RFTN2: variants seen among roughly 807,000 people sequenced by gnomAD.
RFTN2 encodes raftlin-2.
Under a neutral mutation model 52.7 loss-of-function variants are expected in RFTN2, and 34 were observed. That is an observed-to-expected ratio of 0.64 (90% CI 0.49 to 0.86). The LOEUF is 0.86. Ranked by LOEUF, RFTN2 falls within the 40% of genes least tolerant of loss-of-function variation. The pLI is 0.00. For synonymous variants in RFTN2, 203 were observed against 217.7 expected, an observed-to-expected ratio of 0.93 and a Z score of 0.59; for missense variants, 536 against 600.1, an observed-to-expected ratio of 0.89 and a Z score of 1.12.
chr2:197,572,211 T>C lies in RFTN2; in HGVS notation c.1303A>G (p.Thr435Ala). The C allele has an allele frequency of 1.2e-6, 2 of 1,614,270 alleles. No homozygotes were observed. The highest frequency in any genetic ancestry group is 8.5e-7 in the Non-Finnish European group (1 of 1,180,038). Residue 435 changes from threonine to alanine, a missense_variant, in exon 9 of 9, where the codon ACA (threonine) becomes GCA (alanine). Coordinates refer to ENST00000295049, the MANE Select transcript of RFTN2 (RefSeq NM_144629.3). ...KATSRSIGLD[T>A]TSSQPAESRH... is the part of the protein sequence containing the mutation. ...CTCTCTGCAGGTTGTGACGAGGTTG[T>C]GTCTAATCCGATGCTTCTACTAGTG...
chr2:197,675,401 A>G lies in RFTN2; in HGVS notation c.58T>C (p.Phe20Leu), dbSNP rs2089202396. Residue 20 changes from phenylalanine (F) to leucine (L), a missense_variant, in exon 1 of 9, where the codon TTT becomes CTT. By Grantham distance (22) the Phe-to-Leu change is conservative. Coordinates refer to ENST00000295049, the MANE Select transcript of RFTN2 (RefSeq NM_144629.3). ...ACTTGCGGTCTCTTCAGGGTAGAAA[A>G]TATTTTTCCAGGGCTGCTATCATCA... ...DPDDSSPGKI[F>L]STLKRPQVET... is the part of the protein sequence containing the mutation. The G allele has an allele frequency of 6.2e-7, 1 of 1,605,368 alleles. No homozygotes were observed. The highest frequency in any genetic ancestry group is 8.5e-7 in the Non-Finnish European group (1 of 1,175,898).
chr2:197,641,466 A>T (rs2106246799), intron 3 of RFTN2, among the ~76,000 whole-genome samples: 1 of 152,362 alleles, frequency 6.6e-6, no homozygotes, highest in South Asian at 2.1e-4. Context: ...GGGTGCATTT[A>T]CCGTCAGTGC....
chr2:197,585,359 G>C (rs2087579880), intron 8 of RFTN2, among the ~76,000 whole-genome samples: 1 of 152,100 alleles, frequency 6.6e-6, no homozygotes, highest in African/African-American at 2.4e-5. Flanking sequence ...CCCTGCCCTT[G>C]TTTACACTGG....
intron 7 of RFTN2, among the ~76,000 whole-genome samples, chr2:197,601,198 T>G (rs2087874786): frequency 6.6e-6 from 1 of 152,226 alleles, no homozygotes; most frequent in African/African-American, 2.4e-5. Flanking sequence ...AATGTTTCCT[T>G]TTCTCTTCCC....
At chr2:197,643,724 A>G (rs2088707465) in intron 3 of RFTN2, among the ~76,000 whole-genome samples, 1 of 152,124 alleles carries the variant, frequency 6.6e-6, no homozygotes. Context: ...CAGTTAAGTT[A>G]TATTTATATA....
At chr2:197,619,504 C>T (rs1194442602) in intron 5 of RFTN2, among the ~76,000 whole-genome samples, 6 of 150,672 alleles carry the variant, frequency 4.0e-5, no homozygotes, top group South Asian at 2.1e-4. Flanking sequence ...GGATTAAGGG[C>T]GGTGCAAGAT....
At chr2:197,648,835 C>G (rs1402250210) in intron 1 of RFTN2, among the ~76,000 whole-genome samples, 1 of 152,224 alleles carries the variant, frequency 6.6e-6, no homozygotes, top group Non-Finnish European at 1.5e-5. Context: ...TCATTTCCTT[C>G]CCTGTTCTCC....
chr2:197,611,471 T>C lies in RFTN2; in HGVS notation c.1154+4405A>G, dbSNP rs186773788. On this transcript the variant is annotated intron_variant, in intron 7 of 8. Coordinates refer to ENST00000295049, the MANE Select transcript of RFTN2 (RefSeq NM_144629.3). ...ATCGGTAGTGATATCCCCTTTATCA[T>C]TTTTATTGCGTCTATTTGATTCTTC... 2.6e-5 allele frequency among the ~76,000 whole-genome samples: 4 copies of C among 152,184 alleles called. No individual in the cohort carries two copies. The East Asian group carries it at 7.7e-4, about 29-fold the overall frequency.
chr2:197,662,893 T>C (rs561507936), intron 1 of RFTN2, among the ~76,000 whole-genome samples: 1 of 152,314 alleles, frequency 6.6e-6, no homozygotes, highest in South Asian at 2.1e-4. Flanking sequence ...CCCAAACTGC[T>C]GGGATTACAG....
chr2:197,578,525 G>A (rs535905764), intron 8 of RFTN2, among the ~76,000 whole-genome samples: 2 of 152,006 alleles, frequency 1.3e-5, no homozygotes, highest in Non-Finnish European at 2.9e-5. Flanking sequence ...ACATTACCTT[G>A]TGAAATTCCT....
chr2:197,619,541 GC>G (rs1559352166), intron 5 of RFTN2, among the ~76,000 whole-genome samples: 1 of 148,464 alleles, frequency 6.7e-6, no homozygotes, highest in African/African-American at 2.5e-5. Context: ...ATGCTTGAAG[GC>G]AGCATGCTCC....
At chr2:197,590,837 C>T (rs1188341153) in intron 8 of RFTN2, among the ~76,000 whole-genome samples, 2 of 152,218 alleles carry the variant, frequency 1.3e-5, no homozygotes, top group East Asian at 1.9e-4. Context: ...TGCAGACCTT[C>T]GCAGTAAGTG....
At chr2:197,614,873 A>G (rs992739928) in intron 7 of RFTN2, among the ~76,000 whole-genome samples, 2 of 152,234 alleles carry the variant, frequency 1.3e-5, no homozygotes, top group Non-Finnish European at 2.9e-5. Context: ...ATCATGCTTC[A>G]AGGAGTCATC....
intron 5 of RFTN2, among the ~76,000 whole-genome samples, chr2:197,628,337 AC>A (rs1214083258): frequency 2.0e-5 from 3 of 151,910 alleles, no homozygotes; most frequent in South Asian, 4.2e-4. Context: ...AAGATTCTGC[AC>A]CCCCGTCTCC....
chr2:197,613,179 C>T (rs2106207763), intron 7 of RFTN2, among the ~76,000 whole-genome samples: 1 of 152,296 alleles, frequency 6.6e-6, no homozygotes, highest in African/African-American at 2.4e-5. Flanking sequence ...GGCCAAGCTA[C>T]CATCCCTGAA....
intron 1 of RFTN2, among the ~76,000 whole-genome samples, chr2:197,655,441 G>A (rs1038179069): frequency 5.9e-5 from 9 of 152,106 alleles, no homozygotes; most frequent in Non-Finnish European, 1.2e-4. Flanking sequence ...GTTTCAGGAG[G>A]AATTACAAAC....
chr2:197,608,734 C>A (rs1290614447), intron 7 of RFTN2, among the ~76,000 whole-genome samples: 1 of 149,684 alleles, frequency 6.7e-6, no homozygotes, highest in East Asian at 2.0e-4. Flanking sequence ...CTGCACCCGT[C>A]AAATCATCAT....
chr2:197,673,033 TCTC>T (rs2089167996), intron 1 of RFTN2, among the ~76,000 whole-genome samples: 1 of 151,874 alleles, frequency 6.6e-6, no homozygotes, highest in Non-Finnish European at 1.5e-5. Flanking sequence ...TTTCAGAGGG[TCTC>T]CTCCTCCTGC....
At chr2:197,626,221 G>A (rs2088356722) in intron 5 of RFTN2, among the ~76,000 whole-genome samples, 1 of 152,112 alleles carries the variant, frequency 6.6e-6, no homozygotes, top group African/African-American at 2.4e-5. Flanking sequence ...TTGTGTGAAT[G>A]CAGGCACCTT....
Sources: gnomAD v4.1 joint callset for allele counts (sites outside exome capture counted in the v4.1 genomes callset) on GRCh38, gnomAD v4.1.1 for gene constraint, MANE v1.5 for transcripts, NCBI Gene and HGNC (gene_info 2026-07-23, HGNC 2026-07-21) for gene names.